TEX15: variants seen among roughly 807,000 people sequenced by gnomAD.
TEX15 encodes the protein testis expressed 15, meiosis and synapsis associated.
Under a neutral mutation model 237.3 loss-of-function variants are expected in TEX15, and 171 were observed. The ratio of observed to expected loss-of-function variants is 0.72; its 90% CI spans 0.64 to 0.82. The LOEUF is 0.82. Among genes scored for constraint, TEX15 ranks in the 40% least tolerant of loss-of-function variants. TEX15 has a pLI of 0.00. For synonymous variants in TEX15, 1,338 were observed against 1,269.8 expected (o/e 1.05, Z -1.14); for missense variants, 3,750 against 3,646.5 (o/e 1.03, Z -0.73).
At chr8:30,883,882 G>A (rs563589535) in intron 3 of TEX15, among the ~76,000 whole-genome samples, 1 of 152,088 alleles carries the variant, frequency 6.6e-6, no homozygotes, top group Non-Finnish European at 1.5e-5. Context: ...CGGACTGCTG[G>A]GTCAAATGGT....
At chr8:30,882,388 A>G (rs1032299170) in intron 3 of TEX15, among the ~76,000 whole-genome samples, 3 of 152,088 alleles carry the variant, frequency 2.0e-5, no homozygotes, top group Non-Finnish European at 2.9e-5. Flanking sequence ...CTGGGCTCAC[A>G]CCATTCTCCT....
Position 30,860,037 on chromosome 8 carries a change from C to A in TEX15, c.561G>T (p.Lys187Asn). The A allele has an allele frequency of 6.8e-7, 1 of 1,471,986 alleles. No homozygotes were observed. The highest frequency in any genetic ancestry group is 1.4e-5 in the South Asian group (1 of 73,890). The allele number at this position is 1,471,986 out of a possible 1,614,324, so 91.2% of individuals were successfully genotyped here. The change falls in exon 6 of 11, where the codon AAG (lysine) becomes AAT (asparagine). Residue 187 changes from lysine (K) to asparagine (N), a missense_variant. Coordinates refer to ENST00000643185, the MANE Select transcript of TEX15 (RefSeq NM_001350162.2). ...LIFKVLFGKV[K>N]KIQPSVDKNK... ...TTTTATCCACAGAAGGTTGGATTTT[C>A]TTCACTTTTCCAAAGAGAACCTAAA... is the stretch of plus-strand genomic sequence containing the variant.
At position 30,844,752 on chromosome 8, in the gene TEX15, A is replaced by G. The variant is rs763587342; in HGVS notation, c.5415T>C (p.Tyr1805=). ...AAGATAATTCCACTATATTTTCCCC[A>G]TAACTTTTATCTTCTTCAGTTCCTG... ...VASGTEEDKS[Y]GENIVELSSS... is the part of the protein sequence containing the mutation. Residue 1805 remains tyrosine, a synonymous_variant, in exon 8 of 11, where the codon TAT becomes TAC. Coordinates refer to ENST00000643185, the MANE Select transcript of TEX15 (RefSeq NM_001350162.2). 17 of 1,613,218 alleles carry G rather than the reference A, an allele frequency of 1.1e-5. No individual in the cohort carries two copies. The highest frequency in any genetic ancestry group is 5.0e-5 in the Admixed American group (3 of 59,960).
intron 3 of TEX15, among the ~76,000 whole-genome samples, chr8:30,876,292 T>C (rs189192195): frequency 1.3e-5 from 2 of 152,336 alleles, no homozygotes; most frequent in African/African-American, 2.4e-5. Flanking sequence ...GCAGAACCCA[T>C]CTGCCTGCAA....
At chr8:30,859,840 G>T in intron 6 of TEX15, 71 bp downstream of exon 6, 2 of 1,153,906 alleles carry the variant, frequency 1.7e-6, no homozygotes, top group Middle Eastern at 2.7e-4. Flanking sequence ...TAACATTTTG[G>T]GAATTTAAGT....
intron 4 of TEX15, among the ~76,000 whole-genome samples, chr8:30,873,113 T>C (rs569433381): frequency 6.6e-6 from 1 of 152,278 alleles, no homozygotes; most frequent in African/African-American, 2.4e-5. Context: ...TTCCTGTCAT[T>C]AAGCAACGTG....
At chr8:30,892,958 G>A (rs1272156837) in intron 2 of TEX15, among the ~76,000 whole-genome samples, 5 of 151,692 alleles carry the variant, frequency 3.3e-5, no homozygotes, top group East Asian at 1.9e-4. Context: ...GCGTGAACCC[G>A]GGAGGTGGAG....
In TEX15 at chr8:30,843,574, C is replaced by T; in HGVS notation, c.6593G>A (p.Gly2198Glu). Reference sequence around the variant, plus strand: ...TTCTAAACTATCTCCAAAGTTAACTCCACAGGTAAATGGAACAGAAAGAGA... The same window carrying T: ...TTCTAAACTATCTCCAAAGTTAACTTCACAGGTAAATGGAACAGAAAGAGA... ...DFSLSVPFTC[G>E]VNFGDSLEDL... Residue 2198 changes from glycine (G) to glutamate (E), a missense_variant, in exon 8 of 11, where the codon GGA becomes GAA. Physicochemically the swap from Gly to Glu is moderately conservative, Grantham distance 98. Coordinates refer to ENST00000643185, the MANE Select transcript of TEX15 (RefSeq NM_001350162.2). 6.2e-7 allele frequency: 1 copy of T among 1,613,090 alleles called. No homozygotes were observed. Among genetic ancestry groups the T allele is most frequent in the Non-Finnish European group, 8.5e-7 (1 of 1,179,712 alleles).
rs756346839 is a variant in TEX15, at chr8:30,844,804, G to A, written c.5363C>T (p.Thr1788Ile). 5 of 1,613,422 alleles carry A rather than the reference G, an allele frequency of 3.1e-6. No homozygotes were observed. The highest frequency in any genetic ancestry group is 1.1e-5 in the South Asian group (1 of 91,064). ...LHTDGNETNV[T>I]ENYELDVASG... ...TGCTACATCCAACTCATAATTCTCAGTGACATTTGTTTCATTCCCATCTGT... is the reference window on the plus strand; with the variant it reads ...TGCTACATCCAACTCATAATTCTCAATGACATTTGTTTCATTCCCATCTGT... Residue 1788 changes from threonine (T) to isoleucine (I), a missense_variant, in exon 8 of 11, where the codon ACT (threonine) becomes ATT (isoleucine). By Grantham distance (89) the Thr-to-Ile change is moderately conservative. Transcript: ENST00000643185.
In TEX15 at chr8:30,887,268, A is replaced by G. The variant is rs1808672465; in HGVS notation, c.35T>C (p.Leu12Pro). The G allele has an allele frequency of 4.6e-6, 7 of 1,535,404 alleles. No individual in the cohort carries two copies. Among genetic ancestry groups the G allele is most frequent in the African/African-American group, 1.4e-5 (1 of 73,022 alleles). Residue 12 changes from leucine to proline, a missense_variant, in exon 3 of 11, where the codon CTG (leucine) becomes CCG (proline). By Grantham distance (98) the Leu-to-Pro change is moderately conservative (BLOSUM62 -3). Coordinates refer to ENST00000643185, the MANE Select transcript of TEX15 (RefSeq NM_001350162.2). Reference protein sequence around the residue: ...EMKETAKQDTLWQMSSTSKPV... With the variant: ...EMKETAKQDTPWQMSSTSKPV... ...TTTGCTAGTTGAGCTCATTTGCCAC[A>G]GTGTATCCTGTTTAGCAGTTTCTTT...
At chr8:30,880,175 C>T (rs2128774458) in intron 3 of TEX15, among the ~76,000 whole-genome samples, 1 of 152,020 alleles carries the variant, frequency 6.6e-6, no homozygotes, top group African/African-American at 2.4e-5. Flanking sequence ...ATTATAGGCA[C>T]CCACCACCAC....
chr8:30,875,809 A>AT (rs879785043), intron 3 of TEX15, among the ~76,000 whole-genome samples: 1,664 of 142,516 alleles, frequency 0.012, 20 homozygotes, highest in African/African-American at 0.032. Flanking sequence ...CATCTGGTCA[A>AT]TTTTTTTTTT....
intron 7 of TEX15, among the ~76,000 whole-genome samples, chr8:30,853,204 C>T (rs894288500): frequency 4.6e-5 from 7 of 152,102 alleles, no homozygotes; most frequent in South Asian, 2.1e-4. Flanking sequence ...ATAAGCCTTC[C>T]GGCTGAGGGG....
chr8:30,847,861 T>G lies in TEX15; in HGVS notation c.2306A>C (p.Lys769Thr), dbSNP rs762546003. The G allele has an allele frequency of 6.2e-7, 1 of 1,613,918 alleles. No homozygotes were observed. Among genetic ancestry groups the G allele is most frequent in the South Asian group, 1.1e-5 (1 of 91,072 alleles). The change falls in exon 8 of 11, where the codon AAA becomes ACA. Residue 769 changes from lysine to threonine, a missense_variant. By Grantham distance (78) the Lys-to-Thr change is moderately conservative. Transcript: ENST00000643185. ...SIITEAFPKP[K>T]DIPQAKEMFI... Reference sequence around the variant, plus strand: ...CATTTCTTTGGCCTGGGGTATGTCTTTTGGTTTCGGGAAAGCTTCAGTTAT... The same window carrying G: ...CATTTCTTTGGCCTGGGGTATGTCTGTTGGTTTCGGGAAAGCTTCAGTTAT...
chr8:30,884,183 T>C (rs893392356), intron 3 of TEX15, among the ~76,000 whole-genome samples: 1 of 152,240 alleles, frequency 6.6e-6, no homozygotes, highest in African/African-American at 2.4e-5. Context: ...CATCTATTGT[T>C]TCTTGACTTT....
intron 4 of TEX15, among the ~76,000 whole-genome samples, chr8:30,870,786 C>G (rs1177231091): frequency 6.6e-6 from 1 of 152,036 alleles, no homozygotes; most frequent in Non-Finnish European, 1.5e-5. Flanking sequence ...GCTGTTATAA[C>G]AAATTCTCAC....
intron 7 of TEX15, 99 bp downstream of exon 7, chr8:30,858,569 A>G (rs777784097): frequency 9.4e-5 from 101 of 1,077,510 alleles, no homozygotes; most frequent in Non-Finnish European, 1.2e-4. Context: ...AAGTGCTAGG[A>G]TTACAGGTGT....
chr8:30,880,662 C>T (rs540817960), intron 3 of TEX15, among the ~76,000 whole-genome samples: 91 of 152,246 alleles, frequency 6.0e-4, no homozygotes, highest in African/African-American at 2.0e-3. Context: ...GCATATAATA[C>T]GTACATAAAA....
rs184770371 is a variant in TEX15 at position 30,874,310 on chromosome 8, G to A, written c.302+627C>T. ...CAGTGAGAAATGGCAAAGGAGACAA[G>A]TTAGAAGAAAATATAGGAATGCTAA... On this transcript the variant is annotated intron_variant, in intron 4 of 10. Coordinates refer to ENST00000643185, the MANE Select transcript of TEX15 (RefSeq NM_001350162.2). Among the ~76,000 whole-genome samples, 405 of 152,292 alleles carry A rather than the reference G, an allele frequency of 2.7e-3. 2 individuals are homozygous for A. Among genetic ancestry groups the A allele is most frequent in the African/African-American group, 8.7e-3 (363 of 41,576 alleles).
Sources: gnomAD v4.1 joint callset for allele counts (sites outside exome capture counted in the v4.1 genomes callset) on GRCh38, gnomAD v4.1.1 for gene constraint, MANE v1.5 for transcripts, NCBI Gene and HGNC (gene_info 2026-07-23, HGNC 2026-07-21) for gene names.